The following GNA14 variants were observed in gnomAD, a reference collection of about 807,000 sequenced individuals.
GNA14 encodes G protein subunit alpha 14.
In GNA14, 50 loss-of-function variants were observed where a neutral mutation model predicts 42.0. That is an observed-to-expected ratio of 1.19 (90% CI 0.95 to 1.51). The LOEUF (loss-of-function observed/expected upper bound fraction) is 1.51. Ranked by LOEUF, GNA14 falls within the 40% of genes most tolerant of loss-of-function variation. The pLI is 0.00. For missense variants in GNA14, 473 were observed against 446.2 expected (o/e 1.06, Z -0.54); for synonymous variants, 173 against 163.1 (o/e 1.06, Z -0.46).
At chr9:77,585,671 A>G (rs958259775) in intron 1 of GNA14, among the ~76,000 whole-genome samples, 1 of 152,180 alleles carries the variant, frequency 6.6e-6, no homozygotes, top group African/African-American at 2.4e-5. Flanking sequence ...TTCCTCACCT[A>G]AAGTGTGGTA....
intron 2 of GNA14, among the ~76,000 whole-genome samples, chr9:77,471,821 A>G (rs936940949): frequency 2.6e-5 from 4 of 152,184 alleles, no homozygotes; most frequent in Non-Finnish European, 2.9e-5. Flanking sequence ...AAAGGTCATA[A>G]AAAGCTGTTT....
At chr9:77,622,714 C>T (rs1179845198) in intron 1 of GNA14, among the ~76,000 whole-genome samples, 4 of 140,212 alleles carry the variant, frequency 2.9e-5, no homozygotes, top group East Asian at 2.1e-4. Context: ...GTGAAAACCC[C>T]GTCTCTACTA....
rs533522124 is a variant in GNA14 at position 77,450,091 on chromosome 9, C to G, written c.310-15569G>C. On this transcript the variant is annotated intron_variant, in intron 2 of 6. Coordinates refer to ENST00000341700, the MANE Select transcript of GNA14 (RefSeq NM_004297.4). ...CTTATGCATCCTCAGGGCATTTGTCCCAGGGCTGCAGGATTCTGGAGCTTT... is the reference window on the plus strand; with the variant it reads ...CTTATGCATCCTCAGGGCATTTGTCGCAGGGCTGCAGGATTCTGGAGCTTT... Among the ~76,000 whole-genome samples the G allele has an allele frequency of 1.7e-4, 26 of 152,298 alleles. 1 individual carries two copies. The highest frequency in any genetic ancestry group is 1.4e-3 in the Admixed American group (21 of 15,300).
At chr9:77,448,827 G>A (rs947972615) in intron 2 of GNA14, among the ~76,000 whole-genome samples, 1 of 152,192 alleles carries the variant, frequency 6.6e-6, no homozygotes, top group Non-Finnish European at 1.5e-5. Flanking sequence ...TGTGCAGAGT[G>A]TGGAAAAGGA....
At chr9:77,461,118 A>G (rs1185836018) in intron 2 of GNA14, among the ~76,000 whole-genome samples, 2 of 152,224 alleles carry the variant, frequency 1.3e-5, no homozygotes, top group African/African-American at 4.8e-5. Context: ...CATGAGTCCC[A>G]GGTGGGTCCC....
chr9:77,513,199 A>G (rs1040096513), intron 2 of GNA14, among the ~76,000 whole-genome samples: 1 of 152,214 alleles, frequency 6.6e-6, no homozygotes. Flanking sequence ...TAGCACTTTC[A>G]TAATCAGATC....
chr9:77,449,445 T>C (rs1052515840), intron 2 of GNA14, among the ~76,000 whole-genome samples: 1 of 152,234 alleles, frequency 6.6e-6, no homozygotes, highest in Non-Finnish European at 1.5e-5. Flanking sequence ...ATAACTTCCT[T>C]AAGCAAGCCA....
chr9:77,631,295 A>C (rs1824096305), intron 1 of GNA14, among the ~76,000 whole-genome samples: 1 of 152,142 alleles, frequency 6.6e-6, no homozygotes, highest in Admixed American at 6.5e-5. Context: ...AAATTGCTAC[A>C]TCACTTCAGT....
intron 4 of GNA14, among the ~76,000 whole-genome samples, chr9:77,430,072 G>A (rs1352557321): frequency 6.6e-6 from 1 of 152,186 alleles, no homozygotes; most frequent in Non-Finnish European, 1.5e-5. Flanking sequence ...ATGTCCTGGA[G>A]GTGCAGCCAC....
chr9:77,640,891 AACAACAG>A (rs1165490913), intron 1 of GNA14, among the ~76,000 whole-genome samples: 1 of 149,066 alleles, frequency 6.7e-6, no homozygotes, highest in Non-Finnish European at 1.5e-5. Flanking sequence ...AAAAAAAAAA[AACAACAG>A]ACAGAGGCAT....
intron 2 of GNA14, among the ~76,000 whole-genome samples, chr9:77,519,261 A>G (rs1021486757): frequency 1.3e-5 from 2 of 152,022 alleles, no homozygotes; most frequent in Non-Finnish European, 2.9e-5. Flanking sequence ...AAATACAAAA[A>G]TTAGCTGGGC....
At chr9:77,543,475 T>C (rs548015364) in intron 1 of GNA14, among the ~76,000 whole-genome samples, 2 of 152,340 alleles carry the variant, frequency 1.3e-5, no homozygotes, top group Admixed American at 1.3e-4. Flanking sequence ...TGGTGCCATA[T>C]TGTAGCTGCT....
intron 2 of GNA14, among the ~76,000 whole-genome samples, chr9:77,515,508 G>T (rs1423866182): frequency 6.6e-6 from 1 of 152,232 alleles, no homozygotes; most frequent in East Asian, 1.9e-4. Context: ...CTGCTATTGG[G>T]TTCCCCGCCC....
In GNA14 at chr9:77,520,063, C is replaced by T. The variant is rs558199627; in HGVS notation, c.309+9006G>A. On this transcript the variant is annotated intron_variant, in intron 2 of 6. Coordinates refer to ENST00000341700, the MANE Select transcript of GNA14 (RefSeq NM_004297.4). ...CAGACTTCACCACTATGCAACATAG[C>T]CATGCAATAAAACTGCATTTTCACC... is the stretch of plus-strand genomic sequence containing the variant. 3.3e-5 allele frequency among the ~76,000 whole-genome samples: 5 copies of T among 152,186 alleles called. No homozygotes were observed. The South Asian group carries it at 8.3e-4, about 25-fold the overall frequency.
chr9:77,472,995 C>T (rs897071240), intron 2 of GNA14, among the ~76,000 whole-genome samples: 5 of 152,234 alleles, frequency 3.3e-5, no homozygotes, highest in Non-Finnish European at 7.3e-5. Flanking sequence ...GCTATAGCAG[C>T]CTGAACTGAC....
intron 2 of GNA14, among the ~76,000 whole-genome samples, chr9:77,507,148 G>A (rs1307009155): frequency 1.3e-5 from 2 of 152,132 alleles, no homozygotes; most frequent in East Asian, 3.9e-4. Flanking sequence ...TAGGTTTTAG[G>A]ACACTAATTT....
intron 2 of GNA14, among the ~76,000 whole-genome samples, chr9:77,498,278 T>G (rs1010223236): frequency 2.1e-5 from 3 of 140,528 alleles, no homozygotes; most frequent in African/African-American, 8.1e-5. Flanking sequence ...GAGGCTGAGG[T>G]GGGAGAATCA....
chr9:77,436,141 T>A (rs1277349328), intron 2 of GNA14, among the ~76,000 whole-genome samples: 1 of 152,200 alleles, frequency 6.6e-6, no homozygotes, highest in Non-Finnish European at 1.5e-5. Flanking sequence ...CGATGTGACT[T>A]TTCCCCACAC....
intron 1 of GNA14, among the ~76,000 whole-genome samples, chr9:77,638,089 G>T (rs1294549420): frequency 6.6e-6 from 1 of 152,168 alleles, no homozygotes; most frequent in East Asian, 1.9e-4. Flanking sequence ...ATTCATGGAA[G>T]AATATTTCAT....
Sources: gnomAD v4.1 joint callset for allele counts (sites outside exome capture counted in the v4.1 genomes callset) on GRCh38, gnomAD v4.1.1 for gene constraint, MANE v1.5 for transcripts, NCBI Gene and HGNC (gene_info 2026-07-23, HGNC 2026-07-21) for gene names.